Variants in SLC39A11 observed in about 807,000 individuals in gnomAD.
SLC39A11 encodes the protein solute carrier family 39 member 11, also known as zinc transporter ZIP11.
Under a neutral mutation model 36.1 loss-of-function variants are expected in SLC39A11, and 33 were observed. That is an observed-to-expected ratio of 0.91 (90% CI 0.69 to 1.22). The LOEUF is 1.22. Ranked by LOEUF, SLC39A11 falls within the 50% of genes most tolerant of loss-of-function variation. The probability of loss-of-function intolerance (pLI) is 0.00; values close to 1 mark genes in which losing one functional copy is unlikely to be tolerated. For synonymous variants in SLC39A11, 166 were observed against 170.3 expected (o/e 0.97, Z 0.20); for missense variants, 432 against 430.3 (o/e 1.00, Z -0.03).
In SLC39A11 at chr17:72,884,159, A is replaced by AAAAGAAAG. The variant is rs113091239; in HGVS notation, c.431-34363_431-34356dup. Among the ~76,000 whole-genome samples, 401 of 152,076 alleles carry AAAAGAAAG rather than the reference A, an allele frequency of 2.6e-3. 3 individuals are homozygous for AAAAGAAAG. The highest frequency in any genetic ancestry group is 8.7e-3 in the African/African-American group (362 of 41,380). On this transcript the variant is annotated intron_variant, in intron 5 of 9. Coordinates refer to ENST00000255559, the MANE Select transcript of SLC39A11 (RefSeq NM_139177.4). ...ACAGAGTAAGGCTCTGTCTCCAAAA[A>AAAAGAAAG]AAAGAAAGAAAGAAAGAAAGAAACC...
Position 72,849,687 on chromosome 17 carries a change from C to T in SLC39A11, c.548G>A (p.Ser183Asn), listed in dbSNP as rs753299534. 6.2e-7 allele frequency: 1 copy of T among 1,609,044 alleles called. No homozygotes were observed. The highest frequency in any genetic ancestry group is 8.5e-7 in the Non-Finnish European group (1 of 1,177,954). Reference sequence around the variant, plus strand: ...GATGAGCAGTGCGATCCTCCTCCAGCTGCTGCCGCCGGGCTGTGCCAGATT... The same window carrying T: ...GATGAGCAGTGCGATCCTCCTCCAGTTGCTGCCGCCGGGCTGTGCCAGATT... ...RGNLAQPGGSSWRRIALLILA... is the reference protein window; with the variant it reads ...RGNLAQPGGSNWRRIALLILA... The change falls in exon 6 of 10, where the codon AGC becomes AAC. Residue 183 changes from serine to asparagine, a missense_variant. By Grantham distance (46) the Ser-to-Asn change is conservative. Coordinates refer to ENST00000255559, the MANE Select transcript of SLC39A11 (RefSeq NM_139177.4).
chr17:72,649,886 C>T (rs925570621), intron 7 of SLC39A11, among the ~76,000 whole-genome samples: 3 of 152,176 alleles, frequency 2.0e-5, no homozygotes, highest in Non-Finnish European at 4.4e-5. Flanking sequence ...AGCCACGGCA[C>T]CCAGCCTACA....
intron 5 of SLC39A11, among the ~76,000 whole-genome samples, chr17:72,876,877 C>T (rs534438208): frequency 2.0e-5 from 3 of 152,312 alleles, no homozygotes; most frequent in African/African-American, 7.2e-5. Context: ...GTGCAGCAAG[C>T]AACAAGACCT....
rs1284036961 is a variant in SLC39A11 at position 72,649,241 on chromosome 17, C to T, written c.699G>A (p.Gln233=). Reference sequence around the variant, plus strand: ...TGACAGCCAGGCCCTCGGGGAAATTCTGGATCCCGATTCCAATGGCCAAAT... The same window carrying T: ...TGACAGCCAGGCCCTCGGGGAAATTTTGGATCCCGATTCCAATGGCCAAAT... ...ARNLAIGIGI[Q]NFPEGLAVSL... is the part of the protein sequence containing the mutation. Residue 233 remains glutamine (Q), a synonymous_variant, in exon 8 of 10, where the codon CAG becomes CAA. Coordinates refer to ENST00000255559, the MANE Select transcript of SLC39A11 (RefSeq NM_139177.4). The T allele has an allele frequency of 1.9e-6, 3 of 1,614,110 alleles. No individual in the cohort carries two copies. The highest frequency in any genetic ancestry group is 2.5e-6 in the Non-Finnish European group (3 of 1,180,048).
chr17:72,717,097 C>T (rs1239846293), intron 7 of SLC39A11, among the ~76,000 whole-genome samples: 2 of 137,056 alleles, frequency 1.5e-5, no homozygotes, highest in African/African-American at 2.9e-5. Context: ...TATGTATATA[C>T]TTATATGTGT....
chr17:72,947,763 G>A lies in SLC39A11; in HGVS notation c.419C>T (p.Ser140Phe). 1 of 1,614,086 alleles carries A rather than the reference G, an allele frequency of 6.2e-7. No homozygotes were observed. The highest frequency in any genetic ancestry group is 8.5e-7 in the Non-Finnish European group (1 of 1,180,046). Residue 140 changes from serine (S) to phenylalanine (F), a missense_variant, in exon 5 of 10, where the codon TCC becomes TTC. Ser to Phe is a radical substitution (Grantham distance 155). Coordinates refer to ENST00000255559, the MANE Select transcript of SLC39A11 (RefSeq NM_139177.4). ...AAGCCCAGCTCTACCTATCCGGATG[G>A]AAAGTTCACTCTCAGGGAAGAGCAG... Reference protein sequence around the residue: ...PALLFPESELSIRIDKSENGE... With the variant: ...PALLFPESELFIRIDKSENGE...
Position 72,840,688 on chromosome 17 carries a change from C to T in SLC39A11, c.601+8946G>A, listed in dbSNP as rs551683768. ...GCAGGAGAAGCTTGAACCTAGGAGG[C>T]GGAGGTTGCAGTGAGCTGAGATCGC... On this transcript the variant is annotated intron_variant, in intron 6 of 9. Transcript: ENST00000255559. Among the ~76,000 whole-genome samples, 4 of 151,822 alleles carry T rather than the reference C, an allele frequency of 2.6e-5. No individual in the cohort carries two copies. The South Asian group carries it at 6.3e-4, about 24-fold the overall frequency.
At chr17:72,653,248 G>T (rs545588420) in intron 7 of SLC39A11, among the ~76,000 whole-genome samples, 2 of 151,636 alleles carry the variant, frequency 1.3e-5, no homozygotes, top group East Asian at 3.9e-4. Flanking sequence ...GGGATTACAG[G>T]CATGTGCCAC....
rs111917507 is a variant in SLC39A11, at chr17:72,785,647, G to T, written c.602-48928C>A. Among the ~76,000 whole-genome samples, 1,362 of 152,328 alleles carry T rather than the reference G, an allele frequency of 8.9e-3. 9 individuals are homozygous for T. Among genetic ancestry groups the T allele is most frequent in the Non-Finnish European group, 0.012 (832 of 68,026 alleles). On this transcript the variant is annotated intron_variant, in intron 6 of 9. Coordinates refer to ENST00000255559, the MANE Select transcript of SLC39A11 (RefSeq NM_139177.4). ...ATCAGAGAGGACGTAGGAAGGGAAG[G>T]TGGAAGGGCTTTAGTGGTGGCTTCA...
chr17:72,848,782 G>T (rs968929477), intron 6 of SLC39A11, among the ~76,000 whole-genome samples: 22 of 151,442 alleles, frequency 1.5e-4, no homozygotes, highest in African/African-American at 5.3e-4. Flanking sequence ...GGATTGGTAA[G>T]AACATTTCAG....
At chr17:72,984,214 G>A (rs907812262) in intron 4 of SLC39A11, among the ~76,000 whole-genome samples, 6 of 152,082 alleles carry the variant, frequency 3.9e-5, no homozygotes, top group East Asian at 3.9e-4. Flanking sequence ...GAAGCAGAAC[G>A]GCCTTGAAAG....
chr17:72,945,621 T>C (rs750289685), intron 5 of SLC39A11, among the ~76,000 whole-genome samples: 6 of 152,160 alleles, frequency 3.9e-5, no homozygotes, highest in Non-Finnish European at 8.8e-5. Flanking sequence ...GCATTTGCTT[T>C]TGCAGCTGAA....
At chr17:72,697,149 C>T (rs545709843) in intron 7 of SLC39A11, among the ~76,000 whole-genome samples, 15 of 152,310 alleles carry the variant, frequency 9.8e-5, no homozygotes, top group African/African-American at 3.6e-4. Flanking sequence ...GTGGTCTGAT[C>T]ACAGCTCGCT....
chr17:72,706,729 G>C (rs971196685), intron 7 of SLC39A11, among the ~76,000 whole-genome samples: 8 of 152,208 alleles, frequency 5.3e-5, no homozygotes, highest in African/African-American at 1.9e-4. Flanking sequence ...GGGAAGAAGG[G>C]GGAGAGGTCT....
intron 4 of SLC39A11, among the ~76,000 whole-genome samples, chr17:72,987,400 T>C (rs974967655): frequency 6.6e-6 from 1 of 152,246 alleles, no homozygotes; most frequent in African/African-American, 2.4e-5. Flanking sequence ...TCACCAAATG[T>C]ACTTGTGTAA....
intron 7 of SLC39A11, among the ~76,000 whole-genome samples, chr17:72,731,213 C>T (rs934489573): frequency 2.0e-5 from 3 of 152,208 alleles, no homozygotes; most frequent in Non-Finnish European, 4.4e-5. Flanking sequence ...TTTCTTGGCA[C>T]TTTGAAGACA....
Position 72,646,410 on chromosome 17 carries a change from TAAG to T in SLC39A11, c.*1171_*1173del, listed in dbSNP as rs1340389702. The T allele has an allele frequency of 1.3e-5, 2 of 152,258 alleles. No homozygotes were observed. Among genetic ancestry groups the T allele is most frequent in the Non-Finnish European group, 2.9e-5 (2 of 68,032 alleles). The allele number at this position is 152,258 out of a possible 1,614,324, so 9.4% of individuals were successfully genotyped here. On this transcript the variant is annotated 3_prime_UTR_variant, in exon 10 of 10. Transcript: ENST00000255559. ...TGCTACCCCTGTTGGAGAAGCTATG[TAAG>T]AAGGAGTAGGCTGGCTTCTGGTCTA... is the stretch of plus-strand genomic sequence containing the variant.
chr17:72,705,510 T>C (rs2072852782), intron 7 of SLC39A11, among the ~76,000 whole-genome samples: 2 of 152,210 alleles, frequency 1.3e-5, no homozygotes, highest in South Asian at 2.1e-4. Context: ...CTTGTAACGA[T>C]GGGATCTGGG....
intron 3 of SLC39A11, among the ~76,000 whole-genome samples, chr17:73,043,275 C>T (rs2059168268): frequency 6.6e-6 from 1 of 152,084 alleles, no homozygotes; most frequent in Non-Finnish European, 1.5e-5. Flanking sequence ...GTTGTGGAGT[C>T]CACAAGGCGA....
Sources: gnomAD v4.1 joint callset for allele counts (sites outside exome capture counted in the v4.1 genomes callset) on GRCh38, gnomAD v4.1.1 for gene constraint, MANE v1.5 for transcripts, NCBI Gene and HGNC (gene_info 2026-07-23, HGNC 2026-07-21) for gene names.